Variants in CSMD1 observed in about 807,000 individuals in gnomAD.
The protein encoded by CSMD1 is CUB and sushi domain-containing protein 1.
Under a neutral mutation model 417.5 loss-of-function variants are expected in CSMD1, and 213 were observed. The ratio of observed to expected loss-of-function variants is 0.51; its 90% confidence interval spans 0.46 to 0.57. The LOEUF (loss-of-function observed/expected upper bound fraction) is 0.57. Ranked by LOEUF, CSMD1 falls within the 20% of genes least tolerant of loss-of-function variation. CSMD1 has a pLI of 0.00. For synonymous variants in CSMD1, 2,862 were observed against 1,736.8 expected (o/e 1.65, Z -16.11); for missense variants, 6,923 against 4,529.7 (o/e 1.53, Z -15.17).
In CSMD1 at chr8:4,994,471, G is replaced by A. The variant is rs1811650937; in HGVS notation, c.-55C>T. On this transcript the variant is annotated 5_prime_UTR_variant, in exon 1 of 70. Transcript: ENST00000635120. ...CCGATGGCTCCTCCGAGGAAGGCAGGGCTATGAGCGGAGCCAAATAATCAC... is the reference window on the plus strand; with the variant it reads ...CCGATGGCTCCTCCGAGGAAGGCAGAGCTATGAGCGGAGCCAAATAATCAC... 3 of 1,496,944 alleles carry A rather than the reference G, an allele frequency of 2.0e-6. No individual in the cohort carries two copies. Among genetic ancestry groups the A allele is most frequent in the Admixed American group, 1.7e-5 (1 of 58,274 alleles). 92.7% of individuals were successfully genotyped at this position (1,496,944 alleles called of 1,614,324 possible).
At chr8:4,689,694 G>T (rs577570881) in intron 1 of CSMD1, among the ~76,000 whole-genome samples, 1 of 152,170 alleles carries the variant, frequency 6.6e-6, no homozygotes, top group African/African-American at 2.4e-5. Flanking sequence ...CCTTTGCTTT[G>T]GTTCCTGGCC....
At chr8:3,682,699 C>T (rs1013206794) in intron 7 of CSMD1, among the ~76,000 whole-genome samples, 2 of 152,148 alleles carry the variant, frequency 1.3e-5, no homozygotes, top group Non-Finnish European at 2.9e-5. Flanking sequence ...TGGGTATATA[C>T]CCAAAAGATT....
intron 47 of CSMD1, among the ~76,000 whole-genome samples, chr8:3,095,789 G>A (rs186090050): frequency 6.6e-6 from 1 of 152,094 alleles, no homozygotes; most frequent in Non-Finnish European, 1.5e-5. Context: ...TTCACACAAA[G>A]AGAAATATTA....
intron 1 of CSMD1, among the ~76,000 whole-genome samples, chr8:4,803,242 T>G (rs947300425): frequency 1.3e-5 from 2 of 152,190 alleles, no homozygotes; most frequent in African/African-American, 4.8e-5. Context: ...TATAAATTCA[T>G]GGTTTATGGT....
At chr8:2,981,450 G>C (rs1585089384) in intron 54 of CSMD1, among the ~76,000 whole-genome samples, 1 of 152,198 alleles carries the variant, frequency 6.6e-6, no homozygotes, top group South Asian at 2.1e-4. Flanking sequence ...ATGACATGCT[G>C]TTAAGTATAG....
chr8:3,910,736 C>G (rs190571351), intron 5 of CSMD1, among the ~76,000 whole-genome samples: 1 of 152,260 alleles, frequency 6.6e-6, no homozygotes, highest in East Asian at 1.9e-4. Context: ...AAAAACACAA[C>G]GAATTCGGTG....
chr8:3,325,335 A>C (rs1806455716), intron 23 of CSMD1, among the ~76,000 whole-genome samples: 1 of 152,232 alleles, frequency 6.6e-6, no homozygotes, highest in Non-Finnish European at 1.5e-5. Flanking sequence ...CGCTCCTATC[A>C]TAACATTTTA....
In CSMD1 at chr8:3,640,869, T is replaced by A. The variant is rs147820852; in HGVS notation, c.1010-24072A>T. ...TACCTCACTACTTTTTTTTTTATTG[T>A]TAATGATGTCAGTATCCAATATGTG... On this transcript the variant is annotated intron_variant, in intron 7 of 69. Transcript: ENST00000635120. Among the ~76,000 whole-genome samples the A allele has an allele frequency of 1.4e-4, 22 of 152,274 alleles. No individual in the cohort carries two copies. In the South Asian group the frequency reaches 2.5e-3, roughly 17 times the overall value.
At chr8:3,736,926 A>T (rs1403971700) in intron 6 of CSMD1, among the ~76,000 whole-genome samples, 2 of 152,178 alleles carry the variant, frequency 1.3e-5, no homozygotes, top group African/African-American at 2.4e-5. Context: ...CGTGTGAAGC[A>T]TTCTGGGTAA....
chr8:4,778,727 T>C (rs1034194832), intron 1 of CSMD1, among the ~76,000 whole-genome samples: 1 of 152,202 alleles, frequency 6.6e-6, no homozygotes, highest in Admixed American at 6.5e-5. Flanking sequence ...GCCCATTTTA[T>C]AGTGTTAATC....
chr8:3,303,162 G>A (rs775496690), intron 25 of CSMD1, among the ~76,000 whole-genome samples: 4 of 152,206 alleles, frequency 2.6e-5, no homozygotes, highest in African/African-American at 9.7e-5. Context: ...TTTTATTCCT[G>A]AGTGGCCTCA....
At chr8:4,592,816 C>T (rs919100166) in intron 2 of CSMD1, among the ~76,000 whole-genome samples, 2 of 152,110 alleles carry the variant, frequency 1.3e-5, no homozygotes, top group East Asian at 3.9e-4. Context: ...CACGAAATAT[C>T]CTGTTGTTTA....
chr8:4,957,761 C>T (rs749620118), intron 1 of CSMD1, among the ~76,000 whole-genome samples: 5 of 152,118 alleles, frequency 3.3e-5, no homozygotes, highest in Non-Finnish European at 5.9e-5. Context: ...ACTCACCATG[C>T]TTAATTTAAA....
intron 5 of CSMD1, among the ~76,000 whole-genome samples, chr8:3,793,333 T>G (rs1297606152): frequency 6.6e-6 from 1 of 152,236 alleles, no homozygotes; most frequent in East Asian, 1.9e-4. Context: ...GCAGCTAGAA[T>G]GTCCATGACT....
intron 6 of CSMD1, among the ~76,000 whole-genome samples, chr8:3,741,825 A>G (rs1284850312): frequency 1.3e-5 from 2 of 152,144 alleles, no homozygotes; most frequent in South Asian, 2.1e-4. Context: ...TTTCTTTCTC[A>G]AATGTGCTCA....
At chr8:4,615,777 T>C (rs761844910) in intron 2 of CSMD1, among the ~76,000 whole-genome samples, 13 of 152,214 alleles carry the variant, frequency 8.5e-5, no homozygotes, top group Non-Finnish European at 1.5e-4. Flanking sequence ...TTAATACTAC[T>C]TCAATACTTA....
intron 3 of CSMD1, among the ~76,000 whole-genome samples, chr8:4,117,794 T>G (rs1371143093): frequency 6.6e-6 from 1 of 152,054 alleles, no homozygotes; most frequent in Non-Finnish European, 1.5e-5. Context: ...AATGTCAGGC[T>G]CAGAACGTAT....
intron 33 of CSMD1, among the ~76,000 whole-genome samples, chr8:3,197,551 C>T (rs796787316): frequency 5.9e-4 from 89 of 150,906 alleles, no homozygotes; most frequent in African/African-American, 1.9e-3. Context: ...CTGCAAGCTC[C>T]GCCTCCCGGG....
chr8:2,955,636 G>A lies in CSMD1; in HGVS notation c.9947C>T (p.Thr3316Ile). The A allele has an allele frequency of 1.9e-6, 3 of 1,613,832 alleles. No homozygotes were observed. Among genetic ancestry groups the A allele is most frequent in the East Asian group, 2.2e-5 (1 of 44,868 alleles). ...TGTCCATTTCATGTCTGCTTTACAT[G>A]TTCTGTGCTCAGATCCCCCTGCGAG... ...FFLAGGSEHR[T>I]CKADMKWTGK... The change falls in exon 64 of 70, where the codon ACA becomes ATA. Residue 3316 changes from threonine (T) to isoleucine (I), a missense_variant. Physicochemically the swap from Thr to Ile is moderately conservative, Grantham distance 89. Transcript: ENST00000635120.
Sources: allele counts gnomAD v4.1 joint callset (sites outside exome capture counted in the v4.1 genomes callset), GRCh38; gene constraint gnomAD v4.1.1; transcripts MANE v1.5; gene names NCBI Gene and HGNC (gene_info 2026-07-23, HGNC 2026-07-21).